The following ROBO1 variants were observed in gnomAD, a reference collection of about 807,000 sequenced individuals.
ROBO1 encodes roundabout homolog 1.
ROBO1 carries 149 observed loss-of-function variants against 195.9 expected under a neutral mutation model. The observed-to-expected ratio is 0.76, with a 90% CI of 0.67 to 0.87. The LOEUF is 0.87. Among genes scored for constraint, ROBO1 ranks in the 40% least tolerant of loss-of-function variants. The pLI is 0.00. For missense variants in ROBO1, 1,933 were observed against 2,068.3 expected (o/e 0.93, Z 1.27); for synonymous variants, 816 against 733.2 (o/e 1.11, Z -1.82).
chr3:79,103,941 G>A (rs1026259013), intron 3 of ROBO1, among the ~76,000 whole-genome samples: 1 of 151,770 alleles, frequency 6.6e-6, no homozygotes, highest in African/African-American at 2.4e-5. Flanking sequence ...TTTGGTCAGG[G>A]ATTGACAATG....
intron 2 of ROBO1, among the ~76,000 whole-genome samples, chr3:79,150,308 C>T (rs1160639): frequency 1 from 151,485 of 151,734 alleles, 75,618 homozygotes; most frequent in Middle Eastern, 1. Context: ...CTAAGTTACT[C>T]ACATGCCAGA....
chr3:79,060,540 A>G (rs2108400290), intron 3 of ROBO1, among the ~76,000 whole-genome samples: 2 of 152,096 alleles, frequency 1.3e-5, no homozygotes, highest in Middle Eastern at 3.4e-3. Context: ...ACTGGTCGAC[A>G]CTTAGGGAAA....
At chr3:79,650,050 C>T (rs1423274451) in intron 1 of ROBO1, among the ~76,000 whole-genome samples, 1 of 151,196 alleles carries the variant, frequency 6.6e-6, no homozygotes, top group African/African-American at 2.4e-5. Context: ...AACAATAAAA[C>T]AATAAATCCA....
chr3:79,304,409 G>C (rs1056927127), intron 2 of ROBO1, among the ~76,000 whole-genome samples: 11 of 152,090 alleles, frequency 7.2e-5, no homozygotes, highest in Admixed American at 1.3e-4. Flanking sequence ...TATTTAAAGT[G>C]TGTAATTTGA....
chr3:79,470,812 G>A (rs1938232507), intron 2 of ROBO1, among the ~76,000 whole-genome samples: 1 of 152,112 alleles, frequency 6.6e-6, no homozygotes, highest in Non-Finnish European at 1.5e-5. Flanking sequence ...CCGCTGCCAT[G>A]TGGAACTGTG....
At chr3:79,395,804 C>A (rs1204761702) in intron 2 of ROBO1, among the ~76,000 whole-genome samples, 1 of 151,918 alleles carries the variant, frequency 6.6e-6, no homozygotes, top group Non-Finnish European at 1.5e-5. Context: ...CTTAGTGTTA[C>A]GTTCTAATTT....
chr3:78,746,686 T>C, intron 5 of ROBO1, 57 bp downstream of exon 5: 1 of 1,305,006 alleles, frequency 7.7e-7, no homozygotes, highest in Non-Finnish European at 9.9e-7. Flanking sequence ...TTTTCTTTGG[T>C]AAAGATACAC....
chr3:79,000,979 G>T (rs559633429), intron 3 of ROBO1, among the ~76,000 whole-genome samples: 31 of 152,100 alleles, frequency 2.0e-4, no homozygotes, highest in Non-Finnish European at 2.6e-4. Context: ...CAGGGACATG[G>T]ATGGAGCTGG....
intron 4 of ROBO1, among the ~76,000 whole-genome samples, chr3:78,824,974 TTC>T (rs2031446803): frequency 6.6e-6 from 1 of 152,186 alleles, no homozygotes; most frequent in Admixed American, 6.5e-5. Flanking sequence ...TTCACCTAAA[TTC>T]TGTTTCACTT....
intron 1 of ROBO1, among the ~76,000 whole-genome samples, chr3:79,601,799 T>G (rs1038847419): frequency 1.3e-5 from 2 of 151,974 alleles, no homozygotes; most frequent in Non-Finnish European, 2.9e-5. Context: ...TGCTTTCATT[T>G]TGTACACAAA....
chr3:78,746,434 C>T (rs2108281321), intron 5 of ROBO1, among the ~76,000 whole-genome samples: 1 of 152,188 alleles, frequency 6.6e-6, no homozygotes, highest in South Asian at 2.1e-4. Flanking sequence ...TACTATAACA[C>T]ATGGAAATTT....
intron 2 of ROBO1, among the ~76,000 whole-genome samples, chr3:79,410,600 GAAGA>G (rs953879997): frequency 5.5e-5 from 8 of 145,826 alleles, no homozygotes; most frequent in Non-Finnish European, 9.0e-5. Context: ...GAAAGAGGAA[GAAGA>G]AAGAAAGAAA....
intron 3 of ROBO1, among the ~76,000 whole-genome samples, chr3:78,946,928 G>A (rs2040478848): frequency 6.6e-6 from 1 of 152,092 alleles, no homozygotes; most frequent in South Asian, 2.1e-4. Flanking sequence ...GACAAAGAAG[G>A]CTATTACATA....
At chr3:79,248,316 A>G (rs1490651286) in intron 2 of ROBO1, among the ~76,000 whole-genome samples, 3 of 149,220 alleles carry the variant, frequency 2.0e-5, no homozygotes, top group Non-Finnish European at 4.4e-5. Context: ...CCCTGGGTAC[A>G]ATGTAAAGTT....
intron 3 of ROBO1, among the ~76,000 whole-genome samples, chr3:79,064,141 A>C (rs181165296): frequency 6.6e-6 from 1 of 151,976 alleles, no homozygotes; most frequent in Non-Finnish European, 1.5e-5. Flanking sequence ...GGATATACTA[A>C]TTACTCTGAT....
intron 2 of ROBO1, among the ~76,000 whole-genome samples, chr3:79,569,430 C>T (rs1009088835): frequency 2.0e-5 from 3 of 152,096 alleles, no homozygotes; most frequent in South Asian, 4.1e-4. Context: ...TAAAGTATTG[C>T]TTTCTCAATA....
chr3:79,025,409 C>T (rs1311581048), intron 3 of ROBO1, among the ~76,000 whole-genome samples: 1 of 152,018 alleles, frequency 6.6e-6, no homozygotes, highest in Non-Finnish European at 1.5e-5. Flanking sequence ...TGCTGCAACC[C>T]TCCTTTTAGA....
intron 4 of ROBO1, among the ~76,000 whole-genome samples, chr3:78,904,278 G>T (rs534430949): frequency 6.6e-6 from 1 of 152,136 alleles, no homozygotes; most frequent in South Asian, 2.1e-4. Context: ...AGTTCACTTA[G>T]AAGAAATTCA....
At chr3:78,679,994 A>G (rs1455588033) in intron 10 of ROBO1, among the ~76,000 whole-genome samples, 1 of 152,192 alleles carries the variant, frequency 6.6e-6, no homozygotes, top group African/African-American at 2.4e-5. Context: ...ATATAGATCA[A>G]TGGAACAGAA....
Sources: allele counts gnomAD v4.1 joint callset (sites outside exome capture counted in the v4.1 genomes callset), GRCh38; gene constraint gnomAD v4.1.1; transcripts MANE v1.5; gene names NCBI Gene and HGNC (gene_info 2026-07-23, HGNC 2026-07-21).